AHRR: variants seen among roughly 807,000 people sequenced by gnomAD.
AHRR encodes the protein ahR repressor.
A neutral mutation model predicts 44.0 loss-of-function variants in AHRR; 28 were observed. The ratio of observed to expected loss-of-function variants is 0.64; its 90% CI spans 0.47 to 0.87. The LOEUF (loss-of-function observed/expected upper bound fraction) is 0.87. Among genes scored for constraint, AHRR ranks in the 40% least tolerant of loss-of-function variants. The probability of loss-of-function intolerance (pLI) is 0.00; values close to 1 mark genes in which losing one functional copy is unlikely to be tolerated. For missense variants in AHRR, 990 were observed against 953.9 expected (o/e 1.04, Z -0.50); for synonymous variants, 434 against 407.0 (o/e 1.07, Z -0.80).
intron 3 of AHRR, among the ~76,000 whole-genome samples, chr5:365,081 TAGA>T (rs1399432692): frequency 1.3e-5 from 2 of 151,830 alleles, no homozygotes; most frequent in African/African-American, 4.8e-5. Flanking sequence ...CAGTATTTTA[TAGA>T]AGAAGTAAAT....
chr5:334,420 G>C (rs905614014), intron 1 of AHRR, among the ~76,000 whole-genome samples: 1 of 151,720 alleles, frequency 6.6e-6, no homozygotes, highest in Non-Finnish European at 1.5e-5. Flanking sequence ...CATTCTTTTT[G>C]CTTTGTTTTT....
At chr5:365,255 A>C (rs1213487679) in intron 3 of AHRR, among the ~76,000 whole-genome samples, 3 of 152,208 alleles carry the variant, frequency 2.0e-5, no homozygotes, top group Non-Finnish European at 4.4e-5. Flanking sequence ...ACTGGCCAAT[A>C]AAGCAAGTCT....
chr5:426,653 AGATGGATG>A lies in AHRR; in HGVS notation c.709-1152_709-1145del, dbSNP rs746729796. On this transcript the variant is annotated intron_variant, in intron 7 of 10. Coordinates refer to ENST00000684583, the MANE Select transcript of AHRR (RefSeq NM_001377236.1). ...TGGATGGATGGATGGATAGATAGAAAGATGGATGGGTGGATGGGTGGACGGATGGATGG... is the reference window on the plus strand; with the variant it reads ...TGGATGGATGGATGGATAGATAGAAAGGTGGATGGGTGGACGGATGGATGG... Among the ~76,000 whole-genome samples the A allele has an allele frequency of 5.6e-4, 82 of 145,264 alleles. 1 individual carries two copies. The highest frequency in any genetic ancestry group is 1.0e-3 in the Non-Finnish European group (67 of 66,350).
Position 411,891 on chromosome 5 carries a change from AT to A in AHRR, c.352-1452del, listed in dbSNP as rs1484422265. On this transcript the variant is annotated intron_variant, in intron 4 of 10. Coordinates refer to ENST00000684583, the MANE Select transcript of AHRR (RefSeq NM_001377236.1). The surrounding 1 kb of genome is among the most constrained non-coding windows in gnomAD (Gnocchi z 4.2). ...ACCCCCAGCTTCTACCTCGTGTGGG[AT>A]GTGAGACTGGGCGAGATATTCCACC... 6.6e-6 allele frequency among the ~76,000 whole-genome samples: 1 copy of A among 152,168 alleles called. No individual in the cohort carries two copies. The highest frequency in any genetic ancestry group is 1.9e-4 in the East Asian group (1 of 5,194).
chr5:343,748 T>TC, intron 1 of AHRR, 145 bp from the exon 2 acceptor site: 3 of 738,850 alleles, frequency 4.1e-6, no homozygotes, highest in Non-Finnish European at 6.3e-6. Flanking sequence ...GGCCAGGGGG[T>TC]CCCACGAGGA....
chr5:428,759 C>A (rs1034552652), intron 8 of AHRR, among the ~76,000 whole-genome samples: 1 of 152,168 alleles, frequency 6.6e-6, no homozygotes, highest in East Asian at 1.9e-4. Context: ...TGTAACTAGG[C>A]GGCCCCATGG....
chr5:385,115 C>G (rs1734119154), intron 4 of AHRR, among the ~76,000 whole-genome samples: 1 of 151,990 alleles, frequency 6.6e-6, no homozygotes, highest in Non-Finnish European at 1.5e-5. Flanking sequence ...AACAAACAAA[C>G]AAAACTCTCT....
At chr5:424,273 C>T (rs1709733) in intron 7 of AHRR, among the ~76,000 whole-genome samples, 77 of 99,506 alleles carry the variant, frequency 7.7e-4, no homozygotes, top group South Asian at 1.2e-3. Context: ...GAGCTCTGTG[C>T]ACCCTGTGAT....
chr5:371,233 G>A (rs1007339527), intron 3 of AHRR, among the ~76,000 whole-genome samples: 27 of 152,174 alleles, frequency 1.8e-4, no homozygotes, highest in African/African-American at 6.5e-4. Context: ...TGGCTTCACC[G>A]AGCCCACGGA....
intron 3 of AHRR, among the ~76,000 whole-genome samples, chr5:367,503 G>C (rs1350521674): frequency 6.6e-6 from 1 of 152,250 alleles, no homozygotes; most frequent in East Asian, 1.9e-4. Context: ...GTGGGCAGCG[G>C]TGGCCGTGGG....
In AHRR at chr5:395,231, T is replaced by A. The variant is rs1425010074; in HGVS notation, c.352-18113T>A. On this transcript the variant is annotated intron_variant, in intron 4 of 10. Transcript: ENST00000684583. The surrounding 1 kb of genome is among the most constrained non-coding windows in gnomAD (Gnocchi z 5.3). ...CTCCTGCCAGGTGGCCGACACTGGC[T>A]GCCCTGCGTCCCCATTCCCTGAATG... Among the ~76,000 whole-genome samples, 1 of 152,188 alleles carries A rather than the reference T, an allele frequency of 6.6e-6. No homozygotes were observed. The highest frequency in any genetic ancestry group is 2.4e-5 in the African/African-American group (1 of 41,440).
Position 433,838 on chromosome 5 carries a change from G to A in AHRR, c.1113-15G>A, listed in dbSNP as rs116234373. On this transcript the variant is annotated splice_polypyrimidine_tract_variant and intron_variant, in intron 10 of 10. Coordinates refer to ENST00000684583, the MANE Select transcript of AHRR (RefSeq NM_001377236.1). ...CTTCAGCTGCTGTCAAATGGGCCCC[G>A]TCTTTTCTCTGCAGGGACAGGGAGG... 1,616 of 1,482,426 alleles carry A rather than the reference G, an allele frequency of 1.1e-3. 23 individuals are homozygous for A. In the African/African-American group the frequency reaches 0.021, roughly 19 times the overall value. The allele number at this position is 1,482,426 out of a possible 1,614,324, so 91.8% of individuals were successfully genotyped here. A position where few individuals can be genotyped will look rare whatever the true frequency, so the allele number is the denominator to read the frequency against.
Position 398,196 on chromosome 5 carries a change from CGT to C in AHRR, c.352-15147_352-15146del, listed in dbSNP as rs1357086524. ...CATCCACGTAGCTCCTGACCATCCA[CGT>C]AGCTCCTGACCATCCACGTAGCTCC... is the stretch of plus-strand genomic sequence containing the variant. On this transcript the variant is annotated intron_variant, in intron 4 of 10. Coordinates refer to ENST00000684583, the MANE Select transcript of AHRR (RefSeq NM_001377236.1). Among the ~76,000 whole-genome samples the C allele has an allele frequency of 1.0e-3, 142 of 135,796 alleles. 7 individuals are homozygous for C. Among genetic ancestry groups the C allele is most frequent in the Admixed American group, 1.6e-3 (23 of 14,010 alleles). The allele number at this position is 135,796 out of a possible 152,430, so 89.1% of individuals were successfully genotyped here.
At chr5:416,337 T>C (rs1184592446) in intron 5 of AHRR, among the ~76,000 whole-genome samples, 3 of 152,228 alleles carry the variant, frequency 2.0e-5, no homozygotes, top group Non-Finnish European at 4.4e-5. Context: ...GCAGCGGTGT[T>C]TGCCTGCCAG....
rs552075007 is a variant in AHRR, at chr5:426,392, A to T, written c.709-1415A>T. 8.8e-3 allele frequency among the ~76,000 whole-genome samples: 1,305 copies of T among 148,524 alleles called. 11 individuals are homozygous for T. Among genetic ancestry groups the T allele is most frequent in the Middle Eastern group, 0.022 (6 of 276 alleles). ...GATGGATGGACAGATGGAAAGATGG[A>T]TGAATGGATGGATGGATGGTTGGAT... On this transcript the variant is annotated intron_variant, in intron 7 of 10. Coordinates refer to ENST00000684583, the MANE Select transcript of AHRR (RefSeq NM_001377236.1).
At chr5:389,904 G>C (rs1734336693) in intron 4 of AHRR, among the ~76,000 whole-genome samples, 1 of 122,420 alleles carries the variant, frequency 8.2e-6, no homozygotes, top group East Asian at 3.1e-4. Context: ...GAAAGGGTGG[G>C]GGGAGGGGAA....
chr5:375,653 G>A (rs200381844), intron 3 of AHRR, among the ~76,000 whole-genome samples: 3 of 152,188 alleles, frequency 2.0e-5, no homozygotes, highest in African/African-American at 4.8e-5. Context: ...CTGAGGATCC[G>A]GGAGACGCGG....
Position 388,520 on chromosome 5 carries a change from G to A in AHRR, c.351+11804G>A, listed in dbSNP as rs537309780. ...TTTCTCCCAGGGGGAGCCTGGAGGAGTGGGGTTTGGACACCCGGCAGGTCT... is the reference window on the plus strand; with the variant it reads ...TTTCTCCCAGGGGGAGCCTGGAGGAATGGGGTTTGGACACCCGGCAGGTCT... On this transcript the variant is annotated intron_variant, in intron 4 of 10. Coordinates refer to ENST00000684583, the MANE Select transcript of AHRR (RefSeq NM_001377236.1). The surrounding 1 kb of genome is among the most constrained non-coding windows in gnomAD (Gnocchi z 5.2). 1.3e-5 allele frequency among the ~76,000 whole-genome samples: 2 copies of A among 152,350 alleles called. No individual in the cohort carries two copies. The highest frequency in any genetic ancestry group is 1.3e-4 in the Admixed American group (2 of 15,314).
chr5:387,056 G>C lies in AHRR; in HGVS notation c.351+10340G>C, dbSNP rs952919599. Among the ~76,000 whole-genome samples, 1 of 152,244 alleles carries C rather than the reference G, an allele frequency of 6.6e-6. No homozygotes were observed. Among genetic ancestry groups the C allele is most frequent in the Admixed American group, 6.5e-5 (1 of 15,288 alleles). On this transcript the variant is annotated intron_variant, in intron 4 of 10. Transcript: ENST00000684583. The surrounding 1 kb of genome is among the most constrained non-coding windows in gnomAD (Gnocchi z 5.1). Reference sequence around the variant, plus strand: ...TTTCCATATCCGTTTGATTGTCAAAGCCTCTGCTGCACGGGGTGGGTCTGC... The same window carrying C: ...TTTCCATATCCGTTTGATTGTCAAACCCTCTGCTGCACGGGGTGGGTCTGC...
Sources: allele counts gnomAD v4.1 joint callset (sites outside exome capture counted in the v4.1 genomes callset), GRCh38; gene constraint gnomAD v4.1.1; non-coding constraint Gnocchi (gnomAD v3.1); transcripts MANE v1.5; gene names NCBI Gene and HGNC (gene_info 2026-07-23, HGNC 2026-07-21).